The following ELF1 variants were observed in gnomAD, a reference collection of about 807,000 sequenced individuals.
ELF1 encodes ETS-related transcription factor Elf-1.
A neutral mutation model predicts 59.9 loss-of-function variants in ELF1; 24 were observed. That is an observed-to-expected ratio of 0.40 (90% CI 0.29 to 0.56). The LOEUF (loss-of-function observed/expected upper bound fraction) is 0.56, where lower values mean the gene tolerates loss of function less well. Ranked by LOEUF, ELF1 falls within the 20% of genes least tolerant of loss-of-function variation. The pLI is 0.44. For missense variants in ELF1, 627 were observed against 742.2 expected (o/e 0.84, Z 1.80); for synonymous variants, 248 against 266.2 (o/e 0.93, Z 0.67).
chr13:41,038,665 T>C lies in ELF1; in HGVS notation c.-229+22173A>G, dbSNP rs150284483. The stretch of plus-strand genomic sequence containing the variant: ...TATATCACATTATTCCAATTAGACA[T>C]TTAAATGTAAAAGTATGGAATAAAA... On this transcript the variant is annotated intron_variant, in intron 1 of 1. Coordinates refer to the ELF1 transcript ENST00000405737. Among the ~76,000 whole-genome samples the C allele has an allele frequency of 3.4e-3, 522 of 152,312 alleles. 4 individuals are homozygous for C. The highest frequency in any genetic ancestry group is 0.012 in the South Asian group (59 of 4,830).
At chr13:41,048,381 G>A (rs1876949154) in intron 1 of ELF1, among the ~76,000 whole-genome samples, 1 of 152,200 alleles carries the variant, frequency 6.6e-6, no homozygotes, top group African/African-American at 2.4e-5. Context: ...GCTGAGAGCT[G>A]TAGACTGGAG....
intron 2 of ELF1, among the ~76,000 whole-genome samples, chr13:40,975,915 A>G (rs1872878245): frequency 6.6e-6 from 1 of 152,236 alleles, no homozygotes; most frequent in South Asian, 2.1e-4. Flanking sequence ...TATTAAGGGG[A>G]AAAAAGACAA....
chr13:40,960,794 C>G (rs767332690), intron 2 of ELF1, among the ~76,000 whole-genome samples: 3 of 152,158 alleles, frequency 2.0e-5, no homozygotes, highest in Non-Finnish European at 2.9e-5. Context: ...TATCAAGTTA[C>G]TAATATGTAT....
chr13:41,047,652 AG>A (rs1383858168), intron 1 of ELF1, among the ~76,000 whole-genome samples: 2 of 152,182 alleles, frequency 1.3e-5, no homozygotes, highest in African/African-American at 2.4e-5. Context: ...TTCATCTCAG[AG>A]GGGTACCTGG....
rs116713652 is a variant in ELF1, at chr13:40,936,019, T to C, written c.1257-1991A>G. ...CATAACATACACATAGATAAAATAG[T>C]ACTTGGCATATAGTTAGCACACAGA... is the stretch of plus-strand genomic sequence containing the variant. On this transcript the variant is annotated intron_variant, in intron 8 of 8. Transcript: ENST00000239882. 9.9e-3 allele frequency among the ~76,000 whole-genome samples: 1,506 copies of C among 152,236 alleles called. 29 individuals carry two copies. Among genetic ancestry groups the C allele is most frequent in the African/African-American group, 0.035 (1,437 of 41,520 alleles).
intron 1 of ELF1, among the ~76,000 whole-genome samples, chr13:41,050,664 C>T (rs1243074748): frequency 2.0e-5 from 3 of 152,306 alleles, no homozygotes; most frequent in Non-Finnish European, 1.5e-5. Flanking sequence ...GATTCTTCTG[C>T]TTCAGCCTCC....
intron 2 of ELF1, among the ~76,000 whole-genome samples, chr13:40,971,943 T>TC (rs1872568751): frequency 2.2e-5 from 2 of 90,980 alleles, no homozygotes; most frequent in Non-Finnish European, 5.9e-5. Context: ...AACAGGTAGT[T>TC]TTTTTTTGGG....
At chr13:40,973,869 A>AT (rs1451486141) in intron 2 of ELF1, among the ~76,000 whole-genome samples, 1 of 152,236 alleles carries the variant, frequency 6.6e-6, no homozygotes, top group Non-Finnish European at 1.5e-5. Flanking sequence ...CACAACACAG[A>AT]TGAACCTTGA....
intron 1 of ELF1, among the ~76,000 whole-genome samples, chr13:41,045,641 G>A (rs550690615): frequency 2.4e-4 from 37 of 152,326 alleles, no homozygotes; most frequent in African/African-American, 8.4e-4. Context: ...TGTGGTCTGA[G>A]AGACAGTTTG....
intron 1 of ELF1, among the ~76,000 whole-genome samples, chr13:41,056,439 ATTTGTATACAAGG>A (rs1439524551): frequency 6.6e-6 from 1 of 152,194 alleles, no homozygotes; most frequent in East Asian, 1.9e-4. Flanking sequence ...TGCTATAAAC[ATTTGTATACAAGG>A]TTTGGTGTGG....
chr13:40,957,250 C>T (rs1363065997), intron 3 of ELF1, among the ~76,000 whole-genome samples: 1 of 130,408 alleles, frequency 7.7e-6, no homozygotes, highest in Non-Finnish European at 1.7e-5. Flanking sequence ...TCATCCCTGG[C>T]TCAGCTGTGC....
intron 1 of ELF1, among the ~76,000 whole-genome samples, chr13:41,053,404 T>C (rs543977366): frequency 1.7e-4 from 26 of 152,146 alleles, no homozygotes; most frequent in Non-Finnish European, 2.6e-4. Flanking sequence ...CATTAGTACA[T>C]TACCAAAACG....
chr13:41,007,558 T>C (rs1874825316), intron 1 of ELF1, among the ~76,000 whole-genome samples: 1 of 152,178 alleles, frequency 6.6e-6, no homozygotes, highest in South Asian at 2.1e-4. Flanking sequence ...TCCCTTTTCT[T>C]AATCACAAAG....
intron 1 of ELF1, among the ~76,000 whole-genome samples, chr13:40,989,927 A>G (rs1290021794): frequency 2.0e-5 from 3 of 152,222 alleles, no homozygotes; most frequent in African/African-American, 7.2e-5. Context: ...TTATTCTGGC[A>G]TTGCAAAATA....
chr13:41,000,815 C>A (rs1478124156), intron 1 of ELF1, among the ~76,000 whole-genome samples: 1 of 151,880 alleles, frequency 6.6e-6, no homozygotes, highest in African/African-American at 2.4e-5. Context: ...CTACTGATAT[C>A]TCTGCATAGA....
At chr13:40,946,764 C>A (rs754518613) in intron 5 of ELF1, among the ~76,000 whole-genome samples, 6 of 152,070 alleles carry the variant, frequency 3.9e-5, no homozygotes, top group Non-Finnish European at 7.4e-5. Context: ...TTTGGGAAGG[C>A]CAAACCAGGA....
Position 40,993,067 on chromosome 13 carries a change from T to G in ELF1, c.-228-10785A>C, listed in dbSNP as rs1241540946. ...AAAAGGTTTCTTCCTGCTGGGGCCT[T>G]CATCATCTTGTCAAAATTTTGAGAC... On this transcript the variant is annotated intron_variant, in intron 1 of 8. Transcript: ENST00000239882. The G allele has an allele frequency of 2.5e-6, 4 of 1,608,014 alleles. No individual in the cohort carries two copies. The East Asian group carries it at 8.9e-5, about 36-fold the overall frequency.
chr13:41,017,722 A>G (rs1360923242), intron 1 of ELF1, among the ~76,000 whole-genome samples: 1 of 152,098 alleles, frequency 6.6e-6, no homozygotes, highest in East Asian at 1.9e-4. Flanking sequence ...TCTTTAATAA[A>G]TAAGATCTTA....
At chr13:41,060,810 A>C (rs984289906) in intron 1 of ELF1, 1 of 207,168 alleles carries the variant, frequency 4.8e-6, no homozygotes. Context: ...CCATATGGGA[A>C]GTGCTATGAG....
Sources: gnomAD v4.1 joint callset for allele counts (sites outside exome capture counted in the v4.1 genomes callset) on GRCh38, gnomAD v4.1.1 for gene constraint, MANE v1.5 for transcripts, NCBI Gene and HGNC (gene_info 2026-07-23, HGNC 2026-07-21) for gene names.